Variants in ECD observed in about 807,000 individuals in gnomAD.
The protein encoded by ECD is ecdysoneless cell cycle regulator.
In ECD, 59 loss-of-function variants were observed where a neutral mutation model predicts 77.2. The observed-to-expected ratio is 0.76, with a 90% CI of 0.62 to 0.95. ECD has a LOEUF of 0.95. ECD is among the 40% of genes least tolerant of loss of function. The pLI, the probability that ECD is intolerant of heterozygous loss-of-function variation, is 0.00. For missense variants in ECD, 704 were observed against 763.4 expected, an observed-to-expected ratio of 0.92 and a Z score of 0.92; for synonymous variants, 233 against 267.4, an observed-to-expected ratio of 0.87 and a Z score of 1.26.
At chr10:73,167,684 G>C (rs940286668) in intron 1 of ECD, among the ~76,000 whole-genome samples, 182 bp downstream of exon 1, 1 of 152,060 alleles carries the variant, frequency 6.6e-6, no homozygotes, top group Non-Finnish European at 1.5e-5. Context: ...TGCAGAATTT[G>C]GTGTCAGAAC....
At chr10:73,149,975 C>T (rs1251549138) in intron 7 of ECD, among the ~76,000 whole-genome samples, 1 of 152,080 alleles carries the variant, frequency 6.6e-6, no homozygotes, top group Non-Finnish European at 1.5e-5. Context: ...TCAATGCCAT[C>T]CCCATCAAGC....
Position 73,163,739 on chromosome 10 carries a change from C to G in ECD, c.199G>C (p.Gly67Arg). ...ACAAGTAAAAGAGCCTTACCTTTCC[C>G]AGGTTTATATTTAAGATTGAAAGGC... is the stretch of plus-strand genomic sequence containing the variant. ...NQPFNLKYKP[G>R]KGGVPAHMFG... Residue 67 changes from glycine (G) to arginine (R), a missense_variant, in exon 2 of 14, where the codon GGG becomes CGG. Coordinates refer to ENST00000372979, the MANE Select transcript of ECD (RefSeq NM_007265.3). 1 of 1,613,914 alleles carries G rather than the reference C, an allele frequency of 6.2e-7. No homozygotes were observed. Among genetic ancestry groups the G allele is most frequent in the Non-Finnish European group, 8.5e-7 (1 of 1,179,944 alleles).
In ECD at chr10:73,146,352, C is replaced by G; in HGVS notation, c.1051G>C (p.Glu351Gln). The change falls in exon 9 of 14, where the codon GAA (glutamate) becomes CAA (glutamine). Residue 351 changes from glutamate (E) to glutamine (Q), a missense_variant. Physicochemically the swap from Glu to Gln is conservative, Grantham distance 29 (BLOSUM62 2). Coordinates refer to ENST00000372979, the MANE Select transcript of ECD (RefSeq NM_007265.3). Reference protein sequence around the residue: ...KKNDYFKGLIEGSAQYRERLE... With the variant: ...KKNDYFKGLIQGSAQYRERLE... ...CTTTCCCGGTACTGAGCAGAACCTT[C>G]TATCAGTCCCTTAAAAAAAAAAAAA... The G allele has an allele frequency of 6.3e-7, 1 of 1,594,648 alleles. No individual in the cohort carries two copies.
At chr10:73,164,030 A>G in intron 1 of ECD, 80 bp from the exon 2 acceptor site, 2 of 1,288,108 alleles carry the variant, frequency 1.6e-6, no homozygotes, top group Non-Finnish European at 2.2e-6. Flanking sequence ...GGTTCTATGA[A>G]CACTGTTTTC....
chr10:73,133,682 T>G lies in ECD; in HGVS notation c.*901A>C, dbSNP rs1473433367. 6.6e-6 allele frequency: 1 copy of G among 152,220 alleles called. No homozygotes were observed. The highest frequency in any genetic ancestry group is 1.5e-5 in the Non-Finnish European group (1 of 68,048). 9.4% of individuals were successfully genotyped at this position (152,220 alleles called of 1,614,324 possible). On this transcript the variant is annotated 3_prime_UTR_variant, in exon 14 of 14. Transcript: ENST00000372979. ...GTAAAGAAGACTTTTTTTTTGCTTT[T>G]AATGGTGAATTTTATGATATATAGA...
At chr10:73,162,494 G>C (rs1021795039) in intron 2 of ECD, among the ~76,000 whole-genome samples, 1 of 152,220 alleles carries the variant, frequency 6.6e-6, no homozygotes, top group East Asian at 1.9e-4. Context: ...CAATGTGACA[G>C]TGTTCTTGCC....
intron 9 of ECD, among the ~76,000 whole-genome samples, chr10:73,141,814 G>GA (rs2133251652): frequency 6.6e-6 from 1 of 152,308 alleles, no homozygotes; most frequent in Admixed American, 6.5e-5. Context: ...GTATGCAAAT[G>GA]TTTATCCAAT....
In ECD at chr10:73,134,796, A is replaced by C; in HGVS notation, c.1722T>G (p.Thr574=). The change falls in exon 14 of 14, where the codon ACT becomes ACG. Residue 574 remains threonine (T), a synonymous_variant. Coordinates refer to ENST00000372979, the MANE Select transcript of ECD (RefSeq NM_007265.3). The part of the protein sequence containing the change: ...TRNQVEPVSQ[T]TDNNSDEEDS... ...CTTCCTCATCTGAATTGTTATCGGT[A>C]GTCTGGGATACAGGTTCCTTATTCA... is the stretch of plus-strand genomic sequence containing the variant. 6.2e-7 allele frequency: 1 copy of C among 1,614,010 alleles called. No homozygotes were observed. The highest frequency in any genetic ancestry group is 8.5e-7 in the Non-Finnish European group (1 of 1,179,902).
At position 73,134,762 on chromosome 10, in the gene ECD, T is replaced by C; in HGVS notation, c.1756A>G (p.Thr586Ala). ...ACTGGTGCCATAACAGATTCTCCCG[T>C]ACCAGAATCTTCCTCATCTGAATTG... ...DNNSDEEDSG[T>A]GESVMAPVDV... is the part of the protein sequence containing the mutation. The change falls in exon 14 of 14, where the codon ACG (threonine) becomes GCG (alanine). Residue 586 changes from threonine (T) to alanine (A), a missense_variant. This residue lies in a region of ECD where 142 missense variants were observed against 163.6 expected (regional missense o/e 0.87). Coordinates refer to ENST00000372979, the MANE Select transcript of ECD (RefSeq NM_007265.3). 1 of 1,614,200 alleles carries C rather than the reference T, an allele frequency of 6.2e-7. No homozygotes were observed. Among genetic ancestry groups the C allele is most frequent in the South Asian group, 1.1e-5 (1 of 91,084 alleles).
rs576787863 is a variant in ECD, at chr10:73,151,941, C to T, written c.912+352G>A. On this transcript the variant is annotated intron_variant, in intron 7 of 13. Coordinates refer to ENST00000372979, the MANE Select transcript of ECD (RefSeq NM_007265.3). ...AAATTCATCAGTCTTCCCTTTATAG[C>T]TTCTGGTTTCAAGTCATGCATAGAA... Among the ~76,000 whole-genome samples the T allele has an allele frequency of 1.4e-4, 22 of 152,132 alleles. No homozygotes were observed. In the South Asian group the frequency reaches 4.6e-3, roughly 32 times the overall value.
chr10:73,156,514 T>C, intron 4 of ECD, 54 bp downstream of exon 4: 2 of 1,611,494 alleles, frequency 1.2e-6, no homozygotes, highest in Non-Finnish European at 8.5e-7. Context: ...TACATATGAA[T>C]GTAATGCAGC....
At chr10:73,165,419 G>A (rs546812702) in intron 1 of ECD, among the ~76,000 whole-genome samples, 8 of 150,704 alleles carry the variant, frequency 5.3e-5, no homozygotes, top group East Asian at 2.0e-4. Flanking sequence ...TGGAGTGATC[G>A]CAGCTCACTG....
intron 12 of ECD, among the ~76,000 whole-genome samples, chr10:73,137,579 TC>T (rs1305167970): frequency 6.6e-6 from 1 of 151,896 alleles, no homozygotes; most frequent in Non-Finnish European, 1.5e-5. Context: ...ATCGAGACCA[TC>T]CTGGCTAACA....
chr10:73,142,467 T>C (rs1446798868), intron 9 of ECD, among the ~76,000 whole-genome samples: 3 of 151,780 alleles, frequency 2.0e-5, no homozygotes, highest in Admixed American at 6.6e-5. Context: ...ACCCTGTCTG[T>C]GCTAAAATAC....
At chr10:73,155,844 C>T (rs915517195) in intron 5 of ECD, among the ~76,000 whole-genome samples, 6 of 151,554 alleles carry the variant, frequency 4.0e-5, no homozygotes, top group Admixed American at 2.6e-4. Flanking sequence ...CCTCATGATC[C>T]GCCCCCTGCT....
intron 6 of ECD, among the ~76,000 whole-genome samples, chr10:73,154,009 T>C (rs911725649): frequency 1.3e-5 from 2 of 152,190 alleles, no homozygotes; most frequent in Admixed American, 6.5e-5. Flanking sequence ...GTAAGTTTAA[T>C]GCAAATATTC....
chr10:73,136,409 T>C (rs879461669), intron 13 of ECD, among the ~76,000 whole-genome samples: 1 of 152,162 alleles, frequency 6.6e-6, no homozygotes, highest in Admixed American at 6.5e-5. Context: ...TAAACTACTT[T>C]TGAAAAAAAA....
chr10:73,154,596 C>CA (rs1467739190), intron 5 of ECD, 148 bp from the exon 6 acceptor site: 1 of 654,132 alleles, frequency 1.5e-6, no homozygotes, highest in Non-Finnish European at 2.3e-6. Context: ...ACTGTATATA[C>CA]ACTTAAGAAT....
intron 1 of ECD, among the ~76,000 whole-genome samples, chr10:73,166,759 G>T (rs528717111): frequency 6.6e-6 from 1 of 152,050 alleles, no homozygotes; most frequent in Admixed American, 6.6e-5. Flanking sequence ...CCATTCTGTG[G>T]GTTCTCTCTC....
Sources: gnomAD v4.1 joint callset for allele counts (sites outside exome capture counted in the v4.1 genomes callset) on GRCh38, gnomAD v4.1.1 for gene constraint, gnomAD v4.1.1 regional missense constraint, MANE v1.5 for transcripts, NCBI Gene and HGNC (gene_info 2026-07-23, HGNC 2026-07-21) for gene names.